Variants in LMTK2 observed in about 807,000 individuals in gnomAD.
LMTK2 encodes the protein lemur tail kinase 2, also known as serine/threonine-protein kinase LMTK2.
A neutral mutation model predicts 127.5 loss-of-function variants in LMTK2; 37 were observed. The ratio of observed to expected loss-of-function variants is 0.29; its 90% CI spans 0.22 to 0.38. The LOEUF (loss-of-function observed/expected upper bound fraction) is 0.38, where lower values mean the gene tolerates loss of function less well. LMTK2 is among the 10% of genes least tolerant of loss of function. LMTK2 has a pLI of 1.00. For missense variants in LMTK2, 1,694 were observed against 1,920.3 expected (o/e 0.88, Z 2.20); for synonymous variants, 819 against 810.1 (o/e 1.01, Z -0.19).
chr7:98,181,122 G>T (rs563683638), intron 7 of LMTK2, among the ~76,000 whole-genome samples: 2 of 151,640 alleles, frequency 1.3e-5, no homozygotes, highest in African/African-American at 4.8e-5. Context: ...CAGCAGCTCA[G>T]TTGAGGGAGA....
At chr7:98,111,288 A>G (rs1417643409) in intron 1 of LMTK2, among the ~76,000 whole-genome samples, 2 of 152,242 alleles carry the variant, frequency 1.3e-5, no homozygotes, top group African/African-American at 4.8e-5. Flanking sequence ...TGTCACTTAG[A>G]TAACAGCTGT....
At chr7:98,121,700 C>T (rs184740501) in intron 1 of LMTK2, among the ~76,000 whole-genome samples, 1 of 150,838 alleles carries the variant, frequency 6.6e-6, no homozygotes, top group Admixed American at 6.6e-5. Context: ...AAATCACATT[C>T]ATATTGTTTT....
chr7:98,130,002 C>T (rs1029349818), intron 1 of LMTK2, among the ~76,000 whole-genome samples: 35 of 152,008 alleles, frequency 2.3e-4, no homozygotes, highest in African/African-American at 8.2e-4. Context: ...GGACTCCAAC[C>T]GCGGGCCTCA....
At chr7:98,119,107 AAAAG>A (rs1269506893) in intron 1 of LMTK2, among the ~76,000 whole-genome samples, 2 of 152,046 alleles carry the variant, frequency 1.3e-5, no homozygotes, top group South Asian at 2.1e-4. Flanking sequence ...AAAAAAAAAA[AAAAG>A]AAATGCAGAT....
chr7:98,125,368 G>A (rs998347738), intron 1 of LMTK2, among the ~76,000 whole-genome samples: 1 of 151,704 alleles, frequency 6.6e-6, no homozygotes, highest in African/African-American at 2.4e-5. Context: ...GCCATCTGAC[G>A]TATCATATAT....
intron 7 of LMTK2, among the ~76,000 whole-genome samples, chr7:98,178,293 C>T (rs1200381672): frequency 6.6e-6 from 1 of 152,174 alleles, no homozygotes; most frequent in African/African-American, 2.4e-5. Flanking sequence ...TTGAAAATGC[C>T]TCCTGCGTGT....
chr7:98,118,920 G>A (rs990858375), intron 1 of LMTK2, among the ~76,000 whole-genome samples: 5 of 151,950 alleles, frequency 3.3e-5, no homozygotes, highest in African/African-American at 4.8e-5. Flanking sequence ...GTGAAACCGC[G>A]TCTCTACTAA....
chr7:98,151,042 T>G (rs1796844908), intron 3 of LMTK2, among the ~76,000 whole-genome samples: 1 of 152,190 alleles, frequency 6.6e-6, no homozygotes, highest in Non-Finnish European at 1.5e-5. Flanking sequence ...GAGAGTAGTT[T>G]AAGAGTGCTA....
intron 11 of LMTK2, 132 bp from the exon 12 acceptor site, chr7:98,203,441 TG>T: frequency 1.6e-6 from 2 of 1,226,294 alleles, no homozygotes; most frequent in Non-Finnish European, 2.2e-6. Context: ...CTCCCAGGCC[TG>T]GAGCCGCCCT....
intron 6 of LMTK2, among the ~76,000 whole-genome samples, chr7:98,168,303 T>C (rs1414024961): frequency 6.6e-6 from 1 of 151,910 alleles, no homozygotes; most frequent in Non-Finnish European, 1.5e-5. Context: ...AGATGATGTA[T>C]AAGGTTATGG....
At chr7:98,162,110 G>T (rs113102786) in intron 6 of LMTK2, among the ~76,000 whole-genome samples, 2 of 152,108 alleles carry the variant, frequency 1.3e-5, no homozygotes, top group Admixed American at 1.3e-4. Context: ...TGTCCACTCC[G>T]CTTCATGTTT....
chr7:98,198,599 C>T (rs944498840), intron 11 of LMTK2, among the ~76,000 whole-genome samples: 2 of 152,184 alleles, frequency 1.3e-5, no homozygotes, highest in Admixed American at 6.5e-5. Flanking sequence ...AAGGGATTCT[C>T]CTGCCTCAGC....
chr7:98,134,972 G>A (rs534330782), intron 1 of LMTK2, among the ~76,000 whole-genome samples: 1 of 152,298 alleles, frequency 6.6e-6, no homozygotes, highest in African/African-American at 2.4e-5. Context: ...TTTAGAACTC[G>A]GAGATTCTCA....
chr7:98,122,236 G>A (rs139261856), intron 1 of LMTK2, among the ~76,000 whole-genome samples: 5 of 151,470 alleles, frequency 3.3e-5, no homozygotes, highest in East Asian at 1.9e-4. Flanking sequence ...TTTTTGTTTC[G>A]GGGGGTGCAT....
intron 5 of LMTK2, among the ~76,000 whole-genome samples, chr7:98,156,192 C>T (rs369977928): frequency 6.6e-6 from 1 of 152,172 alleles, no homozygotes; most frequent in African/African-American, 2.4e-5. Context: ...AATGGCCGGA[C>T]GCAGTGGCTC....
At chr7:98,155,083 A>G (rs1360482161) in intron 5 of LMTK2, among the ~76,000 whole-genome samples, 1 of 152,228 alleles carries the variant, frequency 6.6e-6, no homozygotes, top group Non-Finnish European at 1.5e-5. Context: ...AGAAAAGACA[A>G]CAGATTCCAA....
At chr7:98,157,376 G>A (rs1445326490) in intron 5 of LMTK2, among the ~76,000 whole-genome samples, 3 of 151,930 alleles carry the variant, frequency 2.0e-5, no homozygotes, top group African/African-American at 7.3e-5. Flanking sequence ...AACATAATAA[G>A]GATAATATTT....
intron 1 of LMTK2, among the ~76,000 whole-genome samples, chr7:98,122,677 GGTGTGT>G (rs1192444903): frequency 2.9e-4 from 31 of 108,298 alleles, no homozygotes; most frequent in African/African-American, 7.8e-4. Flanking sequence ...AACTCTACAT[GGTGTGT>G]GTGTGTGTGT....
intron 7 of LMTK2, 53 bp from the exon 8 acceptor site, chr7:98,184,998 C>A: frequency 2.3e-6 from 3 of 1,313,218 alleles, no homozygotes; most frequent in Non-Finnish European, 3.3e-6. Flanking sequence ...TTCCATACAG[C>A]ATGATCCTGG....
Sources: gnomAD v4.1 joint callset for allele counts (sites outside exome capture counted in the v4.1 genomes callset) on GRCh38, gnomAD v4.1.1 for gene constraint, MANE v1.5 for transcripts, NCBI Gene and HGNC (gene_info 2026-07-23, HGNC 2026-07-21) for gene names.